The following SLC25A26 variants were observed in gnomAD, a reference collection of about 807,000 sequenced individuals.
SLC25A26 encodes the protein mitochondrial S-adenosylmethionine carrier protein.
SLC25A26 carries 36 observed loss-of-function variants against 37.8 expected under a neutral mutation model. The observed-to-expected ratio is 0.95, with a 90% CI of 0.73 to 1.26. The LOEUF is 1.26. SLC25A26 is among the 50% of genes most tolerant of loss of function. The probability of loss-of-function intolerance (pLI) is 0.00; values close to 1 mark genes in which losing one functional copy is unlikely to be tolerated. For synonymous variants in SLC25A26, 129 were observed against 122.5 expected, an observed-to-expected ratio of 1.05 and a Z score of -0.35; for missense variants, 390 against 331.1, an observed-to-expected ratio of 1.18 and a Z score of -1.38.
chr3:66,378,019 C>G lies in SLC25A26; in HGVS notation c.*212C>G, dbSNP rs976840536. On this transcript the variant is annotated 3_prime_UTR_variant, in exon 10 of 10. Coordinates refer to ENST00000354883, the MANE Select transcript of SLC25A26 (RefSeq NM_001379210.1). ...GAGAGCTAAGAGAAGAAAACGGGGT[C>G]TGTGGCGGTACTCTGAACAATTTCC... The G allele has an allele frequency of 1.8e-5, 9 of 501,338 alleles. No homozygotes were observed. The highest frequency in any genetic ancestry group is 3.2e-5 in the Non-Finnish European group (9 of 280,780). 31.1% of individuals were successfully genotyped at this position (501,338 alleles called of 1,614,324 possible).
At chr3:66,218,304 T>G (rs1362764996), upstream of SLC25A26, among the ~76,000 whole-genome samples, 1 of 152,236 alleles carries the variant, frequency 6.6e-6, no homozygotes, top group Non-Finnish European at 1.5e-5. Context: ...AAATATAATG[T>G]AAAAGTATTT....
chr3:66,338,719 C>G (rs1223932415), intron 5 of SLC25A26, among the ~76,000 whole-genome samples: 1 of 151,984 alleles, frequency 6.6e-6, no homozygotes, highest in Non-Finnish European at 1.5e-5. Flanking sequence ...TTCCCCTAGC[C>G]AAACTACAGC....
intron 3 of SLC25A26, among the ~76,000 whole-genome samples, chr3:66,248,516 G>C (rs1053860238): frequency 8.5e-5 from 13 of 152,184 alleles, no homozygotes; most frequent in Admixed American, 7.2e-4. Context: ...TTTCTTCAAA[G>C]GTTTTAAGAT....
intron 9 of SLC25A26, among the ~76,000 whole-genome samples, chr3:66,377,036 A>C (rs565015036): frequency 3.9e-5 from 6 of 152,326 alleles, no homozygotes; most frequent in African/African-American, 1.4e-4. Flanking sequence ...ATTTTTGAAC[A>C]AATATCTGAG....
intron 6 of SLC25A26, among the ~76,000 whole-genome samples, chr3:66,359,643 A>G (rs1028200272): frequency 6.6e-6 from 1 of 152,230 alleles, no homozygotes. Context: ...CATTAGCCTG[A>G]TAAAATACAC....
intron 5 of SLC25A26, among the ~76,000 whole-genome samples, chr3:66,309,279 G>T (rs1380796420): frequency 2.6e-5 from 4 of 152,130 alleles, no homozygotes; most frequent in Non-Finnish European, 4.4e-5. Context: ...ATTCCTTCTA[G>T]ATTTTCTAGT....
intron 1 of SLC25A26, among the ~76,000 whole-genome samples, chr3:66,171,163 C>G (rs1040596451): frequency 6.6e-6 from 1 of 152,112 alleles, no homozygotes; most frequent in African/African-American, 2.4e-5. Flanking sequence ...CAGAGCTATC[C>G]CCAACATGGT....
chr3:66,172,932 C>G (rs759040831), intron 1 of SLC25A26, among the ~76,000 whole-genome samples: 1 of 152,088 alleles, frequency 6.6e-6, no homozygotes, highest in Non-Finnish European at 1.5e-5. Flanking sequence ...TACAAGGAAC[C>G]GATTTCCAAA....
intron 1 of SLC25A26, among the ~76,000 whole-genome samples, chr3:66,197,255 C>T (rs1033946302): frequency 1.3e-5 from 2 of 152,104 alleles, no homozygotes; most frequent in Non-Finnish European, 2.9e-5. Context: ...CAATGAGTAT[C>T]GGTCAGATTC....
intron 5 of SLC25A26, among the ~76,000 whole-genome samples, chr3:66,281,187 A>G (rs76730348): frequency 0.036 from 5,533 of 152,240 alleles, 352 homozygotes; most frequent in African/African-American, 0.12. Context: ...GTTTTTTTAT[A>G]TGAATACCTA....
At chr3:66,365,858 G>A (rs970218137) in intron 7 of SLC25A26, among the ~76,000 whole-genome samples, 1 of 152,138 alleles carries the variant, frequency 6.6e-6, no homozygotes, top group Non-Finnish European at 1.5e-5. Context: ...GACTAATCAG[G>A]GGCAACGTAG....
At chr3:66,304,092 C>A (rs1576834766) in intron 5 of SLC25A26, among the ~76,000 whole-genome samples, 1 of 152,188 alleles carries the variant, frequency 6.6e-6, no homozygotes, top group East Asian at 1.9e-4. Context: ...TAAGAACTCA[C>A]CTTTGAAGTC....
chr3:66,153,957 T>A (rs1559553024), intron 1 of SLC25A26, among the ~76,000 whole-genome samples: 1 of 152,200 alleles, frequency 6.6e-6, no homozygotes, highest in Non-Finnish European at 1.5e-5. Context: ...TAATGTGAGA[T>A]GATAGGGGAG....
chr3:66,309,464 T>C (rs919077107), intron 5 of SLC25A26, among the ~76,000 whole-genome samples: 4 of 150,546 alleles, frequency 2.7e-5, no homozygotes, highest in East Asian at 1.9e-4. Context: ...CCTGGATTCA[T>C]TGATTTTTTT....
At chr3:66,234,060 C>T (rs782288665) in intron 1 of SLC25A26, among the ~76,000 whole-genome samples, 2 of 151,354 alleles carry the variant, frequency 1.3e-5, no homozygotes, top group South Asian at 2.1e-4. Context: ...TTTGAGAAAA[C>T]GAGGAGGCAT....
At chr3:66,295,494 C>T (rs1303085416) in intron 5 of SLC25A26, among the ~76,000 whole-genome samples, 6 of 151,358 alleles carry the variant, frequency 4.0e-5, no homozygotes, top group African/African-American at 9.7e-5. Context: ...CTCCGCCTCC[C>T]GGGTTCACGC....
chr3:66,161,489 G>A (rs1294254634), intron 1 of SLC25A26, among the ~76,000 whole-genome samples: 2 of 152,134 alleles, frequency 1.3e-5, no homozygotes, highest in Non-Finnish European at 2.9e-5. Context: ...CACTAGAAAT[G>A]TTTCTCTGAC....
chr3:66,326,796 A>G (rs2075849710), intron 5 of SLC25A26, among the ~76,000 whole-genome samples: 1 of 152,186 alleles, frequency 6.6e-6, no homozygotes, highest in Admixed American at 6.5e-5. Flanking sequence ...GAAAAAGAAT[A>G]CCAAGAAAAA....
chr3:66,245,264 A>AAC (rs1429289292), intron 3 of SLC25A26, among the ~76,000 whole-genome samples: 13 of 151,744 alleles, frequency 8.6e-5, no homozygotes, highest in Non-Finnish European at 1.9e-4. Flanking sequence ...AAAAAAAAAA[A>AAC]AAACAAAACC....
Sources: gnomAD v4.1 joint callset for allele counts (sites outside exome capture counted in the v4.1 genomes callset) on GRCh38, gnomAD v4.1.1 for gene constraint, MANE v1.5 for transcripts, NCBI Gene and HGNC (gene_info 2026-07-23, HGNC 2026-07-21) for gene names.